Variants in CLECL1 observed in about 807,000 individuals in gnomAD.
The protein encoded by CLECL1 is C-type lectin like 1, also known as C-type lectin-like domain family 1.
intron 3 of CLECL1, among the ~76,000 whole-genome samples, chr12:9,724,345 T>C (rs1354489327): frequency 6.6e-6 from 1 of 152,064 alleles, no homozygotes; most frequent in Non-Finnish European, 1.5e-5. Flanking sequence ...CAGAAAAATA[T>C]GACCAATTCT....
At chr12:9,702,405 C>T in the CLECL1 span, among the ~76,000 whole-genome samples, 102 of 152,210 alleles carry the variant, frequency 6.7e-4, no homozygotes, top group East Asian at 2.9e-3. Flanking sequence ...TCTGCTATTC[C>T]GCTGCTCTGC....
intron 3 of CLECL1, among the ~76,000 whole-genome samples, chr12:9,724,668 A>T (rs1322799121): frequency 2.0e-5 from 3 of 152,184 alleles, no homozygotes; most frequent in Non-Finnish European, 4.4e-5. Flanking sequence ...ATGTTGGATA[A>T]TTTTCAGATC....
At chr12:9,733,003 T>C in exon 1 of CLECL1, 2 of 1,614,138 alleles carry the variant, frequency 1.2e-6, no homozygotes, top group South Asian at 1.1e-5. Flanking sequence ...ACAGTTTTGA[T>C]GTCAGCGTAG....
upstream of CLECL1, among the ~76,000 whole-genome samples, chr12:9,733,485 C>T (rs917967260): frequency 5.9e-5 from 9 of 152,116 alleles, no homozygotes; most frequent in East Asian, 1.9e-4. Flanking sequence ...GATTTTATTA[C>T]GAAAGTTACA....
At chr12:9,715,008 T>C (rs911760183), downstream of CLECL1, among the ~76,000 whole-genome samples, 1 of 152,210 alleles carries the variant, frequency 6.6e-6, no homozygotes, top group Non-Finnish European at 1.5e-5. Flanking sequence ...TTACATATTT[T>C]CCTTTATTCT....
downstream of CLECL1, among the ~76,000 whole-genome samples, chr12:9,714,004 T>C (rs1050842383): frequency 6.6e-6 from 1 of 152,236 alleles, no homozygotes; most frequent in African/African-American, 2.4e-5. Context: ...AAATTTCTTA[T>C]AGACCTCTCT....
the CLECL1 span, among the ~76,000 whole-genome samples, chr12:9,706,494 T>A: frequency 6.6e-6 from 1 of 152,248 alleles, no homozygotes; most frequent in African/African-American, 2.4e-5. Context: ...ACTGTAGATT[T>A]GTCATATATG....
downstream of CLECL1, among the ~76,000 whole-genome samples, chr12:9,720,303 G>T (rs1435610931): frequency 6.6e-6 from 1 of 151,788 alleles, no homozygotes; most frequent in Admixed American, 6.6e-5. Flanking sequence ...TAGCAGATAG[G>T]GGAGAAGGTA....
At chr12:9,732,874 T>C in intron 1 of CLECL1, 75 bp downstream of exon 1, 1 of 1,233,526 alleles carries the variant, frequency 8.1e-7, no homozygotes, top group Non-Finnish European at 1.1e-6. Flanking sequence ...GTTTGGCAAT[T>C]AGATACATAA....
chr12:9,708,794 T>G, the CLECL1 span: 167,760 of 173,466 alleles, frequency 0.97, 81,215 homozygotes, highest in East Asian at 1. Flanking sequence ...AGGGGGACAC[T>G]GGCTTTCTCT....
At chr12:9,718,159 A>C (rs963817295), downstream of CLECL1, among the ~76,000 whole-genome samples, 2 of 151,970 alleles carry the variant, frequency 1.3e-5, no homozygotes, top group African/African-American at 2.4e-5. Context: ...TTTTATTATG[A>C]TTTGAGATAT....
chr12:9,705,330 C>A, the CLECL1 span, among the ~76,000 whole-genome samples: 1 of 151,886 alleles, frequency 6.6e-6, no homozygotes, highest in African/African-American at 2.4e-5. Context: ...GCATGAATTA[C>A]AAAAATTTTA....
At chr12:9,719,394 C>T (rs901685519), downstream of CLECL1, among the ~76,000 whole-genome samples, 8 of 152,104 alleles carry the variant, frequency 5.3e-5, no homozygotes, top group Non-Finnish European at 1.0e-4. Flanking sequence ...GGCGTGGTGG[C>T]GGGCGCCTGT....
chr12:9,716,637 A>G (rs956342379), exon 3 of CLECL1: 1 of 381,816 alleles, frequency 2.6e-6, no homozygotes, highest in Non-Finnish European at 4.0e-6. Flanking sequence ...TGGGATATCA[A>G]ACAAGAGCTT....
At chr12:9,717,868 GT>G (rs776897374), downstream of CLECL1, among the ~76,000 whole-genome samples, 4 of 149,046 alleles carry the variant, frequency 2.7e-5, no homozygotes, top group Non-Finnish European at 6.0e-5. Flanking sequence ...TTCTTTTTCT[GT>G]TTTTTTTTCT....
At chr12:9,719,204 G>T (rs998680382), downstream of CLECL1, among the ~76,000 whole-genome samples, 4 of 152,166 alleles carry the variant, frequency 2.6e-5, no homozygotes, top group East Asian at 7.7e-4. Context: ...TGAGGGTGCC[G>T]TGGGAGGAAC....
chr12:9,726,264 AACATC>A (rs1866378678), intron 3 of CLECL1, among the ~76,000 whole-genome samples: 4 of 152,144 alleles, frequency 2.6e-5, no homozygotes, highest in Admixed American at 6.5e-5. Context: ...AAGAAATAAA[AACATC>A]ACATCACAAC....
chr12:9,720,570 G>A (rs1866297804), downstream of CLECL1, among the ~76,000 whole-genome samples: 1 of 152,078 alleles, frequency 6.6e-6, no homozygotes, highest in Admixed American at 6.6e-5. Flanking sequence ...TCGAACTCCC[G>A]ACCTCAGGTC....
At chr12:9,733,073 A>G (rs761669698), upstream of CLECL1, 10 of 1,613,182 alleles carry the variant, frequency 6.2e-6, no homozygotes, top group Admixed American at 1.7e-4. Flanking sequence ...ATGATGTCCC[A>G]CTGAAGGGAC....
Sources: gnomAD v4.1 joint callset for allele counts (sites outside exome capture counted in the v4.1 genomes callset) on GRCh38, gnomAD v4.1.1 for gene constraint, MANE v1.5 for transcripts, NCBI Gene and HGNC (gene_info 2026-07-23, HGNC 2026-07-21) for gene names.